PCDH15: variants seen among roughly 807,000 people sequenced by gnomAD.
PCDH15 encodes the protein protocadherin related 15.
A neutral mutation model predicts 178.5 loss-of-function variants in PCDH15; 129 were observed. The observed-to-expected ratio is 0.72, with a 90% CI of 0.63 to 0.84. PCDH15 has a LOEUF of 0.84. PCDH15 is among the 40% of genes least tolerant of loss of function. The probability of loss-of-function intolerance (pLI) is 0.00; values close to 1 mark genes in which losing one functional copy is unlikely to be tolerated. For synonymous variants in PCDH15, 800 were observed against 732.0 expected (o/e 1.09, Z -1.50); for missense variants, 2,230 against 2,099.9 (o/e 1.06, Z -1.21).
intron 20 of PCDH15, among the ~76,000 whole-genome samples, chr10:54,011,114 C>G (rs1469663695): frequency 1.9e-5 from 2 of 104,660 alleles, no homozygotes; most frequent in East Asian, 2.2e-4. Context: ...GCAGCCACCC[C>G]ACTCCCTGGC....
intron 2 of PCDH15, among the ~76,000 whole-genome samples, chr10:54,565,122 T>C (rs1230024357): frequency 6.6e-6 from 1 of 152,198 alleles, no homozygotes; most frequent in Non-Finnish European, 1.5e-5. Flanking sequence ...TCTAATCACA[T>C]CTTTAGAATT....
At chr10:54,897,808 A>T (rs1025263682) in intron 2 of PCDH15, among the ~76,000 whole-genome samples, 2 of 152,234 alleles carry the variant, frequency 1.3e-5, no homozygotes, top group Admixed American at 1.3e-4. Context: ...TTTCACAAGC[A>T]ATATGGAAAT....
intron 3 of PCDH15, among the ~76,000 whole-genome samples, chr10:54,483,003 G>T (rs906483276): frequency 6.6e-6 from 1 of 151,810 alleles, no homozygotes. Flanking sequence ...ACATGGCAGA[G>T]ATTCAAAGTA....
chr10:54,232,636 C>T lies in PCDH15; in HGVS notation c.985+4187G>A, dbSNP rs144328056. On this transcript the variant is annotated intron_variant, in intron 9 of 37. Coordinates refer to ENST00000644397, the MANE Select transcript of PCDH15 (RefSeq NM_001384140.1). ...GAATAGTTTGATTCCAGGAATTTGT[C>T]CATTGCATCCATTTGTCTAGTTGGC... Among the ~76,000 whole-genome samples, 513 of 152,208 alleles carry T rather than the reference C, an allele frequency of 3.4e-3. 1 individual carries two copies. Among genetic ancestry groups the T allele is most frequent in the African/African-American group, 0.012 (490 of 41,546 alleles).
intron 3 of PCDH15, among the ~76,000 whole-genome samples, chr10:54,443,426 G>A (rs1025302560): frequency 3.3e-5 from 5 of 150,978 alleles, no homozygotes; most frequent in African/African-American, 9.7e-5. Context: ...AAACATCTAT[G>A]TGCCAGAAAA....
chr10:55,037,781 C>T (rs1202487875), intron 2 of PCDH15, among the ~76,000 whole-genome samples: 4 of 152,068 alleles, frequency 2.6e-5, no homozygotes, highest in African/African-American at 9.7e-5. Context: ...ACACTATTTT[C>T]GTTCAATATC....
At chr10:55,381,893 G>A (rs987656526) in intron 2 of PCDH15, among the ~76,000 whole-genome samples, 2 of 152,068 alleles carry the variant, frequency 1.3e-5, no homozygotes, top group Admixed American at 6.6e-5. Context: ...CTGATTGGCT[G>A]GAGGAAACAA....
intron 7 of PCDH15, among the ~76,000 whole-genome samples, chr10:54,320,717 T>C (rs1184712197): frequency 6.6e-6 from 1 of 152,004 alleles, no homozygotes; most frequent in Non-Finnish European, 1.5e-5. Flanking sequence ...CAGCATATCC[T>C]GAGTAGCTTC....
At chr10:55,458,807 TGACA>T (rs1397622791) in intron 2 of PCDH15, among the ~76,000 whole-genome samples, 1 of 152,060 alleles carries the variant, frequency 6.6e-6, no homozygotes, top group Non-Finnish European at 1.5e-5. Context: ...TGCTGTTAAA[TGACA>T]GACAATGTGC....
chr10:54,773,483 C>T (rs1949329631), intron 1 of PCDH15, among the ~76,000 whole-genome samples: 1 of 152,182 alleles, frequency 6.6e-6, no homozygotes, highest in Non-Finnish European at 1.5e-5. Flanking sequence ...GCTGATGGTA[C>T]ATCATTAGAT....
At chr10:55,526,074 C>T (rs1667914306) in intron 2 of PCDH15, among the ~76,000 whole-genome samples, 1 of 151,930 alleles carries the variant, frequency 6.6e-6, no homozygotes, top group African/African-American at 2.4e-5. Flanking sequence ...ATTTCCTTCT[C>T]AGATATTCAG....
At chr10:53,889,971 G>T (rs1043367708) in intron 26 of PCDH15, among the ~76,000 whole-genome samples, 1 of 152,220 alleles carries the variant, frequency 6.6e-6, no homozygotes. Flanking sequence ...TTACGGGGAT[G>T]TGGAGCAGGA....
chr10:55,455,273 C>T lies in PCDH15; in HGVS notation c.-156+172352G>A, dbSNP rs558875611. On this transcript the variant is annotated intron_variant, in intron 2 of 5. Transcript: ENST00000613346. ...ACTGCGTCTTGTGGAAGCATGCAGT[C>T]ATCATGAATTGTATATTATTATTTA... Among the ~76,000 whole-genome samples, 71 of 152,216 alleles carry T rather than the reference C, an allele frequency of 4.7e-4. 2 individuals are homozygous for T. In the South Asian group the frequency reaches 7.3e-3, roughly 16 times the overall value.
At chr10:55,080,646 T>C (rs1318698018) in intron 2 of PCDH15, among the ~76,000 whole-genome samples, 1 of 152,100 alleles carries the variant, frequency 6.6e-6, no homozygotes, top group African/African-American at 2.4e-5. Flanking sequence ...CACACAGGCA[T>C]AAGCATGGAG....
At chr10:54,098,895 C>A (rs2094752013) in intron 15 of PCDH15, among the ~76,000 whole-genome samples, 1 of 152,102 alleles carries the variant, frequency 6.6e-6, no homozygotes, top group Admixed American at 6.6e-5. Flanking sequence ...AAAAAAATTT[C>A]TTCATGATAC....
chr10:55,573,680 C>A (rs185229260), intron 2 of PCDH15, among the ~76,000 whole-genome samples: 1 of 152,098 alleles, frequency 6.6e-6, no homozygotes, highest in East Asian at 1.9e-4. Context: ...GATTCAATAT[C>A]AAATTATGTA....
intron 3 of PCDH15, among the ~76,000 whole-genome samples, chr10:54,489,816 C>T (rs1443592284): frequency 6.6e-6 from 1 of 152,084 alleles, no homozygotes; most frequent in Non-Finnish European, 1.5e-5. Flanking sequence ...TTGCCATAGC[C>T]ATTTAATTCT....
chr10:54,660,502 C>G (rs188562793), intron 2 of PCDH15, among the ~76,000 whole-genome samples: 335 of 152,066 alleles, frequency 2.2e-3, no homozygotes, highest in African/African-American at 7.9e-3. Flanking sequence ...AAGCCAGGAC[C>G]AAACAGATTA....
intron 1 of PCDH15, among the ~76,000 whole-genome samples, chr10:54,685,327 A>C (rs1318701824): frequency 6.6e-6 from 1 of 152,188 alleles, no homozygotes; most frequent in Non-Finnish European, 1.5e-5. Context: ...ACAGTATTGT[A>C]AATACATAAA....
Sources: gnomAD v4.1 joint callset for allele counts (sites outside exome capture counted in the v4.1 genomes callset) on GRCh38, gnomAD v4.1.1 for gene constraint, MANE v1.5 for transcripts, NCBI Gene and HGNC (gene_info 2026-07-23, HGNC 2026-07-21) for gene names.